Variants in PTPRD observed in about 807,000 individuals in gnomAD.
PTPRD encodes protein tyrosine phosphatase receptor type D, also known as receptor-type tyrosine-protein phosphatase delta.
PTPRD carries 34 observed loss-of-function variants against 214.5 expected under a neutral mutation model. The ratio of observed to expected loss-of-function variants is 0.16; its 90% CI spans 0.12 to 0.21. The LOEUF is 0.21. Ranked by LOEUF, PTPRD falls within the 10% of genes least tolerant of loss-of-function variation. The probability of loss-of-function intolerance (pLI) is 1.00; values close to 1 mark genes in which losing one functional copy is unlikely to be tolerated. For synonymous variants in PTPRD, 1,128 were observed against 845.7 expected, an observed-to-expected ratio of 1.33 and a Z score of -5.79; for missense variants, 2,545 against 2,398.7, an observed-to-expected ratio of 1.06 and a Z score of -1.27.
chr9:9,700,905 G>A (rs1205294627), intron 7 of PTPRD, among the ~76,000 whole-genome samples: 4 of 152,056 alleles, frequency 2.6e-5, no homozygotes, highest in African/African-American at 7.2e-5. Context: ...AGTTACAGAT[G>A]TAAACAAACC....
At chr9:9,440,094 T>C (rs2382010) in intron 8 of PTPRD, among the ~76,000 whole-genome samples, 93,261 of 151,992 alleles carry the variant, frequency 0.61, 28,763 homozygotes, top group Middle Eastern at 0.68. Flanking sequence ...GAATTCTGCA[T>C]TTTAATACAG....
At chr9:9,262,656 A>C (rs1041516957) in intron 9 of PTPRD, among the ~76,000 whole-genome samples, 4 of 151,668 alleles carry the variant, frequency 2.6e-5, no homozygotes, top group African/African-American at 9.7e-5. Context: ...TCACTTAGTC[A>C]ATGATTCCTA....
At chr9:8,680,386 CA>C (rs990149384) in intron 12 of PTPRD, among the ~76,000 whole-genome samples, 2 of 152,136 alleles carry the variant, frequency 1.3e-5, no homozygotes, top group Non-Finnish European at 2.9e-5. Context: ...CTACCACTCC[CA>C]GGATATGTTT....
intron 11 of PTPRD, among the ~76,000 whole-genome samples, chr9:8,919,609 A>G (rs573266928): frequency 1.3e-5 from 2 of 151,966 alleles, no homozygotes; most frequent in African/African-American, 4.8e-5. Context: ...CACTTTTCCT[A>G]TTTTTTCCAT....
intron 7 of PTPRD, among the ~76,000 whole-genome samples, chr9:9,629,238 G>GTGTGTATATATATA (rs149327972): frequency 6.4e-5 from 9 of 140,398 alleles, no homozygotes; most frequent in African/African-American, 2.5e-4. Flanking sequence ...GTGTGTGTGT[G>GTGTGTATATATATA]TATATATATA....
At chr9:8,990,356 A>G (rs1285722966) in intron 11 of PTPRD, among the ~76,000 whole-genome samples, 3 of 152,328 alleles carry the variant, frequency 2.0e-5, no homozygotes, top group Admixed American at 6.5e-5. Context: ...ATAGGTTTAC[A>G]GAATATGTGC....
At chr9:9,144,280 G>C (rs1331922808) in intron 10 of PTPRD, among the ~76,000 whole-genome samples, 1 of 152,128 alleles carries the variant, frequency 6.6e-6, no homozygotes, top group Non-Finnish European at 1.5e-5. Flanking sequence ...TGGCTATAGT[G>C]GTGTTGAGCT....
At chr9:9,217,808 G>C (rs996019861) in intron 9 of PTPRD, among the ~76,000 whole-genome samples, 7 of 152,132 alleles carry the variant, frequency 4.6e-5, no homozygotes, top group African/African-American at 1.7e-4. Flanking sequence ...CTTTGCATTT[G>C]TCCAGTATTA....
intron 11 of PTPRD, among the ~76,000 whole-genome samples, chr9:8,818,709 A>G (rs1346011872): frequency 1.3e-5 from 2 of 152,254 alleles, no homozygotes; most frequent in Non-Finnish European, 2.9e-5. Context: ...TTACAAGAGC[A>G]CTGCTTCTTA....
chr9:9,728,018 C>CA (rs2098123014), intron 7 of PTPRD, among the ~76,000 whole-genome samples: 1 of 152,106 alleles, frequency 6.6e-6, no homozygotes, highest in Non-Finnish European at 1.5e-5. Context: ...ATCATGGGGG[C>CA]AGTTTCCCCC....
chr9:8,922,214 C>T (rs549605826), intron 11 of PTPRD, among the ~76,000 whole-genome samples: 1 of 152,018 alleles, frequency 6.6e-6, no homozygotes, highest in Admixed American at 6.5e-5. Flanking sequence ...CTATTAAGTC[C>T]AGTGTTAATA....
intron 9 of PTPRD, among the ~76,000 whole-genome samples, chr9:9,342,750 G>A (rs1182510505): frequency 6.6e-6 from 1 of 150,702 alleles, no homozygotes; most frequent in Non-Finnish European, 1.5e-5. Flanking sequence ...TGGGATACAT[G>A]TGCAGAACAT....
rs750934052 is a variant in PTPRD at position 8,868,324 on chromosome 9, G to A, written c.-103-134378C>T. Among the ~76,000 whole-genome samples the A allele has an allele frequency of 1.6e-4, 24 of 152,232 alleles. No individual in the cohort carries two copies. In the South Asian group the frequency reaches 1.7e-3, roughly 11 times the overall value. On this transcript the variant is annotated intron_variant, in intron 11 of 45. Coordinates refer to ENST00000381196, the MANE Select transcript of PTPRD (RefSeq NM_002839.4). ...AGTGATTCTCGTGCCTCAGCCTCCC[G>A]AGTAGCTGGGATTAGGGGCATGTAC...
intron 11 of PTPRD, among the ~76,000 whole-genome samples, chr9:8,940,587 C>T (rs974830732): frequency 2.0e-5 from 3 of 151,702 alleles, no homozygotes; most frequent in Non-Finnish European, 4.4e-5. Context: ...AGCCACCGCA[C>T]CCAGCCTGCA....
chr9:10,195,957 G>A (rs1333683194), intron 3 of PTPRD, among the ~76,000 whole-genome samples: 3 of 152,136 alleles, frequency 2.0e-5, no homozygotes, highest in Admixed American at 2.0e-4. Flanking sequence ...AGGCAAATCA[G>A]TGATAAAAAT....
At chr9:10,460,267 G>C (rs184467670) in intron 2 of PTPRD, among the ~76,000 whole-genome samples, 6 of 152,104 alleles carry the variant, frequency 3.9e-5, no homozygotes, top group Admixed American at 3.9e-4. Flanking sequence ...CCATGCTTAT[G>C]GATCAGAAAC....
chr9:10,224,659 G>T (rs1182484410), intron 3 of PTPRD, among the ~76,000 whole-genome samples: 2 of 151,682 alleles, frequency 1.3e-5, no homozygotes, highest in Non-Finnish European at 2.9e-5. Flanking sequence ...ATGTGCCATT[G>T]ACCCTTGAAC....
At chr9:9,057,257 T>A (rs1357480420) in intron 10 of PTPRD, among the ~76,000 whole-genome samples, 1 of 152,170 alleles carries the variant, frequency 6.6e-6, no homozygotes, top group African/African-American at 2.4e-5. Flanking sequence ...TTAAAAGCAG[T>A]CTATTCTTTC....
chr9:9,913,311 G>C (rs1052016192), intron 5 of PTPRD, among the ~76,000 whole-genome samples: 17 of 152,052 alleles, frequency 1.1e-4, no homozygotes, highest in South Asian at 6.2e-4. Flanking sequence ...AATCTATTCA[G>C]CATCAGTATT....
Sources: allele counts gnomAD v4.1 joint callset (sites outside exome capture counted in the v4.1 genomes callset), GRCh38; gene constraint gnomAD v4.1.1; transcripts MANE v1.5; gene names NCBI Gene and HGNC (gene_info 2026-07-23, HGNC 2026-07-21).